HMGA2: variants seen among roughly 807,000 people sequenced by gnomAD.
HMGA2 encodes the protein high mobility group AT-hook 2.
In HMGA2, 8 loss-of-function variants were observed where a neutral mutation model predicts 19.1. The ratio of observed to expected loss-of-function variants is 0.42; its 90% CI spans 0.25 to 0.76. HMGA2 has a LOEUF of 0.76. HMGA2 is among the 30% of genes least tolerant of loss of function. The pLI is 0.28. For missense variants in HMGA2, 109 were observed against 136.3 expected (o/e 0.80, Z 1.00); for synonymous variants, 60 against 48.8 (o/e 1.23, Z -0.96).
chr12:65,897,777 T>C (rs1482539645), intron 3 of HMGA2, among the ~76,000 whole-genome samples: 1 of 152,122 alleles, frequency 6.6e-6, no homozygotes, highest in Admixed American at 6.6e-5. Context: ...CTGGCCAACG[T>C]GGTAAAACCC....
intron 3 of HMGA2, chr12:65,842,706 A>G (rs1382343794): frequency 6.7e-7 from 1 of 1,501,224 alleles, no homozygotes; most frequent in Non-Finnish European, 8.9e-7. Context: ...AGATGTACAT[A>G]CAGAGATGTG....
intron 3 of HMGA2, among the ~76,000 whole-genome samples, chr12:65,938,824 C>T (rs1055819761): frequency 6.6e-5 from 10 of 151,930 alleles, no homozygotes; most frequent in African/African-American, 2.2e-4. Flanking sequence ...CCATCACACC[C>T]GGCTGATTTT....
intron 3 of HMGA2, among the ~76,000 whole-genome samples, chr12:65,925,277 G>A (rs375865447): frequency 2.0e-5 from 3 of 152,230 alleles, no homozygotes; most frequent in South Asian, 4.2e-4. Flanking sequence ...TCGCTCAAAC[G>A]TGTCCCAAAT....
intron 3 of HMGA2, among the ~76,000 whole-genome samples, chr12:65,876,623 G>A (rs1190008176): frequency 6.6e-6 from 1 of 152,054 alleles, no homozygotes; most frequent in Non-Finnish European, 1.5e-5. Flanking sequence ...ACAATTTCTG[G>A]CCTCTGATTT....
At chr12:65,908,591 C>T (rs1006892528) in intron 3 of HMGA2, among the ~76,000 whole-genome samples, 1 of 152,186 alleles carries the variant, frequency 6.6e-6, no homozygotes, top group Non-Finnish European at 1.5e-5. Context: ...CTTCGTTCAT[C>T]CACAGCCATT....
chr12:65,930,350 AC>A (rs1237579735), intron 3 of HMGA2, among the ~76,000 whole-genome samples: 1 of 152,188 alleles, frequency 6.6e-6, no homozygotes, highest in Non-Finnish European at 1.5e-5. Flanking sequence ...GGGACTATTT[AC>A]AAAAGATTGA....
chr12:65,860,081 G>A (rs1311766608), intron 3 of HMGA2: 1 of 445,022 alleles, frequency 2.2e-6, no homozygotes, highest in Non-Finnish European at 4.5e-6. Context: ...AACAGAGCAA[G>A]ACTCTGTCTG....
chr12:65,941,876 AATCATATTTTTCTGTAAGCTTAT>A (rs1876101394), intron 3 of HMGA2, among the ~76,000 whole-genome samples: 2 of 152,332 alleles, frequency 1.3e-5, no homozygotes, highest in South Asian at 2.1e-4. Flanking sequence ...CTGTTTTAAA[AATCATATTTTTCTGTAAGCTTAT>A]GGGCAAGCAT....
intron 3 of HMGA2, among the ~76,000 whole-genome samples, chr12:65,931,477 C>A (rs1175591035): frequency 6.6e-6 from 1 of 151,506 alleles, no homozygotes; most frequent in Non-Finnish European, 1.5e-5. Flanking sequence ...ACATAAATAT[C>A]CTTTATATAC....
chr12:65,965,333 T>C lies in HMGA2; in HGVS notation c.*2041T>C, dbSNP rs1274294284. ...AACCAGATTTATTTTAAACGCTTCT[T>C]ATGTAGAGTTTTTATGCCTTTCTCT... On this transcript the variant is annotated 3_prime_UTR_variant, in exon 5 of 5. Transcript: ENST00000403681. The C allele has an allele frequency of 9.7e-6, 2 of 205,528 alleles. No individual in the cohort carries two copies. The highest frequency in any genetic ancestry group is 2.0e-5 in the Non-Finnish European group (2 of 100,174). The allele number at this position is 205,528 out of a possible 1,614,324, so 12.7% of individuals were successfully genotyped here. A position where few individuals can be genotyped will look rare whatever the true frequency, so the allele number is the denominator to read the frequency against.
At chr12:65,848,836 C>T (rs1871337182) in intron 3 of HMGA2, among the ~76,000 whole-genome samples, 1 of 152,094 alleles carries the variant, frequency 6.6e-6, no homozygotes, top group African/African-American at 2.4e-5. Flanking sequence ...GCAGTCCGAC[C>T]TGGGCGACAG....
rs182443491 is a variant in HMGA2 at position 65,869,328 on chromosome 12, T to C, written c.249+30759T>C. ...ACAACTAGGAAATGAAACACCATGG[T>C]TGTATTTCAGGAACCCTACCCAGCA... On this transcript the variant is annotated intron_variant, in intron 3 of 4. Transcript: ENST00000403681. Among the ~76,000 whole-genome samples the C allele has an allele frequency of 2.5e-3, 375 of 152,278 alleles. 2 individuals carry two copies. The highest frequency in any genetic ancestry group is 8.3e-3 in the African/African-American group (346 of 41,552).
chr12:65,877,663 T>G (rs956856400), intron 3 of HMGA2, among the ~76,000 whole-genome samples: 1 of 152,194 alleles, frequency 6.6e-6, no homozygotes, highest in Non-Finnish European at 1.5e-5. Context: ...GGCTAGCATT[T>G]GAGCCCAGTG....
At chr12:65,881,615 A>T in intron 3 of HMGA2, 2 of 639,306 alleles carry the variant, frequency 3.1e-6, no homozygotes, top group Non-Finnish European at 5.7e-6. Flanking sequence ...TCCTGGACCC[A>T]GAGGGAGCGA....
intron 3 of HMGA2, among the ~76,000 whole-genome samples, chr12:65,933,134 A>C (rs1461079082): frequency 6.6e-6 from 1 of 151,978 alleles, no homozygotes; most frequent in Non-Finnish European, 1.5e-5. Flanking sequence ...CTTTATCATG[A>C]TTACACTCCT....
intron 3 of HMGA2, among the ~76,000 whole-genome samples, chr12:65,888,947 T>C (rs1422721618): frequency 1.3e-5 from 2 of 151,996 alleles, no homozygotes; most frequent in Admixed American, 1.3e-4. Flanking sequence ...GCTCAGCCCG[T>C]CTAACTTCGA....
At chr12:65,908,495 C>T (rs1298463150) in intron 3 of HMGA2, among the ~76,000 whole-genome samples, 4 of 151,996 alleles carry the variant, frequency 2.6e-5, no homozygotes, top group Admixed American at 2.0e-4. Context: ...CTTTGCCTTT[C>T]TCTTTGTTAT....
intron 3 of HMGA2, among the ~76,000 whole-genome samples, chr12:65,917,348 T>G (rs1203594815): frequency 6.6e-6 from 1 of 152,170 alleles, no homozygotes; most frequent in African/African-American, 2.4e-5. Context: ...TAAGAAGCCA[T>G]GGTGTTTGAC....
At chr12:65,829,429 C>T (rs1168886046) in intron 2 of HMGA2, among the ~76,000 whole-genome samples, 2 of 151,944 alleles carry the variant, frequency 1.3e-5, no homozygotes, top group African/African-American at 4.8e-5. Flanking sequence ...ACATTTGTTT[C>T]ATTTTATCTC....
Sources: gnomAD v4.1 joint callset for allele counts (sites outside exome capture counted in the v4.1 genomes callset) on GRCh38, gnomAD v4.1.1 for gene constraint, MANE v1.5 for transcripts, NCBI Gene and HGNC (gene_info 2026-07-23, HGNC 2026-07-21) for gene names.